The following POFUT3 variants were observed in gnomAD, a reference collection of about 807,000 sequenced individuals.
POFUT3 encodes the protein GDP-fucose protein O-fucosyltransferase 3.
At chr8:33,440,856 T>C in the POFUT3 span, among the ~76,000 whole-genome samples, 1 of 152,040 alleles carries the variant, frequency 6.6e-6, no homozygotes, top group African/African-American at 2.4e-5. Flanking sequence ...TTCCAACATA[T>C]GCAAAAAGTA....
At chr8:33,439,338 G>A in the POFUT3 span, among the ~76,000 whole-genome samples, 3 of 152,030 alleles carry the variant, frequency 2.0e-5, no homozygotes, top group African/African-American at 7.2e-5. Flanking sequence ...GGGAGGCGGA[G>A]GTTGCAGTGA....
chr8:33,455,739 A>G, the POFUT3 span: 2 of 450,384 alleles, frequency 4.4e-6, no homozygotes, highest in South Asian at 3.2e-5. Context: ...TGCAGCCCTC[A>G]GGTCCCGCTT....
the POFUT3 span, among the ~76,000 whole-genome samples, chr8:33,467,518 C>T: frequency 3.3e-5 from 5 of 152,162 alleles, no homozygotes; most frequent in East Asian, 5.8e-4. Context: ...CAGACATCCA[C>T]GGCAGGTACC....
At chr8:33,453,401 T>C in the POFUT3 span, 1 of 1,614,212 alleles carries the variant, frequency 6.2e-7, no homozygotes, top group African/African-American at 1.3e-5. Flanking sequence ...TCCTTCTTTC[T>C]TAAGAAATGA....
the POFUT3 span, among the ~76,000 whole-genome samples, chr8:33,356,373 G>A: frequency 9.4e-4 from 143 of 152,356 alleles, no homozygotes; most frequent in African/African-American, 3.3e-3. Flanking sequence ...TCTAACTGGT[G>A]TGAGATGGTA....
the POFUT3 span, among the ~76,000 whole-genome samples, chr8:33,359,963 G>A: frequency 6.6e-5 from 10 of 151,964 alleles, no homozygotes; most frequent in South Asian, 8.3e-4. Flanking sequence ...CTGAGATCAC[G>A]CCACTGGACT....
chr8:33,382,117 A>T, the POFUT3 span, among the ~76,000 whole-genome samples: 6 of 151,904 alleles, frequency 3.9e-5, no homozygotes. Flanking sequence ...ACATGGCAAA[A>T]CTCCATCTGT....
At chr8:33,395,588 G>C in the POFUT3 span, among the ~76,000 whole-genome samples, 10 of 151,970 alleles carry the variant, frequency 6.6e-5, no homozygotes, top group Non-Finnish European at 1.3e-4. Context: ...CATCCTTCAA[G>C]TCAGTTTGAC....
At chr8:33,377,199 T>G in the POFUT3 span, among the ~76,000 whole-genome samples, 1 of 148,360 alleles carries the variant, frequency 6.7e-6, no homozygotes, top group Admixed American at 6.8e-5. Flanking sequence ...ACCATTGCAC[T>G]CCAGCCCAGG....
the POFUT3 span, among the ~76,000 whole-genome samples, chr8:33,401,989 G>A: frequency 5.9e-5 from 9 of 151,866 alleles, no homozygotes; most frequent in Non-Finnish European, 1.2e-4. Context: ...TCACGCCACC[G>A]CACTCCAGCC....
the POFUT3 span, among the ~76,000 whole-genome samples, chr8:33,435,688 G>C: frequency 6.6e-6 from 1 of 150,460 alleles, no homozygotes; most frequent in Non-Finnish European, 1.5e-5. Flanking sequence ...GACAATTTTT[G>C]TATTTTTAGT....
At chr8:33,409,552 T>A in the POFUT3 span, among the ~76,000 whole-genome samples, 1 of 152,220 alleles carries the variant, frequency 6.6e-6, no homozygotes, top group Non-Finnish European at 1.5e-5. Flanking sequence ...TCTGGAAATA[T>A]CTAAAGAAAA....
the POFUT3 span, among the ~76,000 whole-genome samples, chr8:33,383,810 C>T: frequency 6.6e-6 from 1 of 151,814 alleles, no homozygotes; most frequent in Non-Finnish European, 1.5e-5. Flanking sequence ...AAACAACTGC[C>T]CCCTCAGACA....
the POFUT3 span, among the ~76,000 whole-genome samples, chr8:33,377,754 A>C: frequency 6.6e-6 from 1 of 152,350 alleles, no homozygotes; most frequent in Admixed American, 6.5e-5. Context: ...CTTGTGCGGA[A>C]AAACCAGCTG....
the POFUT3 span, among the ~76,000 whole-genome samples, chr8:33,348,803 G>A: frequency 6.6e-6 from 1 of 152,174 alleles, no homozygotes; most frequent in Admixed American, 6.5e-5. Context: ...GTTTGGTGCA[G>A]GCAGAGCACA....
At chr8:33,330,717 T>C in the POFUT3 span, among the ~76,000 whole-genome samples, 14 of 152,292 alleles carry the variant, frequency 9.2e-5, no homozygotes, top group Middle Eastern at 3.4e-3. Flanking sequence ...GTAGTTCATA[T>C]TATCATTGTT....
the POFUT3 span, chr8:33,436,665 C>CT: frequency 1.2e-6 from 1 of 845,956 alleles, no homozygotes; most frequent in African/African-American, 1.7e-5. Flanking sequence ...GCTGTGTAGC[C>CT]TCCCAGGGCA....
the POFUT3 span, among the ~76,000 whole-genome samples, chr8:33,438,395 T>C: frequency 1.3e-5 from 2 of 152,250 alleles, no homozygotes; most frequent in South Asian, 2.1e-4. Context: ...CTGGGCAACA[T>C]AGGGAGACCC....
chr8:33,384,527 T>A, the POFUT3 span, among the ~76,000 whole-genome samples: 1 of 152,104 alleles, frequency 6.6e-6, no homozygotes, highest in Middle Eastern at 3.2e-3. Context: ...GGTTACAGAA[T>A]GCCTTCTTCA....
Sources: allele counts gnomAD v4.1 joint callset (sites outside exome capture counted in the v4.1 genomes callset), GRCh38; gene constraint gnomAD v4.1.1; transcripts MANE v1.5; gene names NCBI Gene and HGNC (gene_info 2026-07-23, HGNC 2026-07-21).